WDSUB1: variants seen among roughly 807,000 people sequenced by gnomAD.
WDSUB1 encodes the protein WD repeat, SAM and U-box domain-containing protein 1.
Under a neutral mutation model 53.9 loss-of-function variants are expected in WDSUB1, and 49 were observed. The observed-to-expected ratio is 0.91, with a 90% confidence interval of 0.72 to 1.15. WDSUB1 has a LOEUF of 1.15. Among genes scored for constraint, WDSUB1 ranks in the 50% most tolerant of loss-of-function variants. The probability of loss-of-function intolerance (pLI) is 0.00; values close to 1 mark genes in which losing one functional copy is unlikely to be tolerated. For missense variants in WDSUB1, 514 were observed against 562.0 expected (o/e 0.91, Z 0.86); for synonymous variants, 194 against 200.6 (o/e 0.97, Z 0.28).
At chr2:159,242,621 C>CTCCAG (rs1384522804) in intron 10 of WDSUB1, among the ~76,000 whole-genome samples, 4 of 147,664 alleles carry the variant, frequency 2.7e-5, no homozygotes, top group Non-Finnish European at 4.4e-5. Context: ...TGCCATTGCA[C>CTCCAG]TCCAGTCTGG....
chr2:159,243,551 G>T (rs764228679), intron 10 of WDSUB1, among the ~76,000 whole-genome samples: 8 of 138,618 alleles, frequency 5.8e-5, no homozygotes, highest in Non-Finnish European at 1.2e-4. Flanking sequence ...AGTGCACAAG[G>T]TATATGTCTC....
chr2:159,283,260 G>A (rs1466538738), intron 1 of WDSUB1, among the ~76,000 whole-genome samples, 167 bp from the exon 2 acceptor site: 1 of 152,200 alleles, frequency 6.6e-6, no homozygotes, highest in East Asian at 1.9e-4. Context: ...CAGTTTCATG[G>A]AAGACAATTA....
chr2:159,265,321 A>T (rs74459104), intron 5 of WDSUB1, among the ~76,000 whole-genome samples: 2 of 146,902 alleles, frequency 1.4e-5, no homozygotes, highest in African/African-American at 5.0e-5. Context: ...ACACACACTC[A>T]CTCTCTCTCT....
chr2:159,245,567 C>A (rs570225201), intron 10 of WDSUB1, among the ~76,000 whole-genome samples: 2 of 151,202 alleles, frequency 1.3e-5, no homozygotes, highest in African/African-American at 4.8e-5. Flanking sequence ...CTACAGTAAT[C>A]GAAGCACTGT....
chr2:159,245,853 A>T (rs1387792838), intron 10 of WDSUB1, among the ~76,000 whole-genome samples: 1 of 152,212 alleles, frequency 6.6e-6, no homozygotes, highest in Admixed American at 6.5e-5. Flanking sequence ...TAGGACTCAA[A>T]GTATGAAAGT....
In WDSUB1 at chr2:159,279,951, A is replaced by G. The variant is rs1268929070; in HGVS notation, c.399-6T>C. 6.3e-7 allele frequency: 1 copy of G among 1,599,206 alleles called. No individual in the cohort carries two copies. The highest frequency in any genetic ancestry group is 8.5e-7 in the Non-Finnish European group (1 of 1,169,988). ...CATCTTTAACACTACCACATCTGAA[A>G]TAAAAGCAAAAAGTGGGTTTTCATT... On this transcript the variant is annotated splice_region_variant and splice_polypyrimidine_tract_variant and intron_variant, in intron 2 of 10. Coordinates refer to ENST00000359774, the MANE Select transcript of WDSUB1 (RefSeq NM_001128212.3).
intron 5 of WDSUB1, among the ~76,000 whole-genome samples, chr2:159,265,840 G>A (rs1189030002): frequency 6.6e-6 from 1 of 152,192 alleles, no homozygotes; most frequent in African/African-American, 2.4e-5. Flanking sequence ...GTTATTAGGG[G>A]ACAGAAGTGG....
chr2:159,279,841 T>C lies in WDSUB1; in HGVS notation c.503A>G (p.Asp168Gly). Residue 168 changes from aspartate (D) to glycine (G), a missense_variant, in exon 3 of 11, where the codon GAT (aspartate) becomes GGT (glycine). Physicochemically the swap from Asp to Gly is moderately conservative, Grantham distance 94. Transcript: ENST00000359774. ...SSCGDLTVWDDKMRCLHSEKA... is the reference protein window; with the variant it reads ...SSCGDLTVWDGKMRCLHSEKA... ...TTCACTATGCAGACACCTCATTTTA[T>C]CATCCCACACTGTTAAATCACCACA... The C allele has an allele frequency of 1.2e-6, 2 of 1,612,674 alleles. No homozygotes were observed.
chr2:159,270,177 G>A (rs1216834080), intron 5 of WDSUB1, among the ~76,000 whole-genome samples: 7 of 152,064 alleles, frequency 4.6e-5, no homozygotes, highest in Non-Finnish European at 8.8e-5. Flanking sequence ...ACTAACAAGT[G>A]CCTAGAAAGA....
At chr2:159,269,164 GATT>G (rs2061400673) in intron 5 of WDSUB1, among the ~76,000 whole-genome samples, 1 of 140,586 alleles carries the variant, frequency 7.1e-6, no homozygotes. Context: ...TCTTTCCACA[GATT>G]TTTTTTTTTT....
intron 5 of WDSUB1, among the ~76,000 whole-genome samples, chr2:159,261,922 T>A (rs1575466065): frequency 9.3e-6 from 1 of 107,214 alleles, no homozygotes; most frequent in African/African-American, 3.4e-5. Context: ...TTTTTTTTTT[T>A]TTTTTTTAAA....
intron 2 of WDSUB1, 99 bp downstream of exon 2, chr2:159,282,573 C>T: frequency 7.2e-7 from 1 of 1,384,992 alleles, no homozygotes; most frequent in Non-Finnish European, 9.8e-7. Flanking sequence ...TTTTCTACAT[C>T]ACTTAGACTG....
At chr2:159,266,537 T>C (rs2061352521) in intron 5 of WDSUB1, among the ~76,000 whole-genome samples, 1 of 152,284 alleles carries the variant, frequency 6.6e-6, no homozygotes. Flanking sequence ...CCAAAAAGTA[T>C]AAGAACCACT....
At chr2:159,268,228 A>T (rs2061381988) in intron 5 of WDSUB1, among the ~76,000 whole-genome samples, 1 of 152,240 alleles carries the variant, frequency 6.6e-6, no homozygotes. Flanking sequence ...GGGATTTAAA[A>T]TGTCTTCAAG....
chr2:159,250,378 A>C (rs1475931486), intron 9 of WDSUB1, among the ~76,000 whole-genome samples: 3 of 152,200 alleles, frequency 2.0e-5, no homozygotes, highest in Non-Finnish European at 4.4e-5. Context: ...ATTTTGCAAA[A>C]ATATTTATAA....
chr2:159,254,093 T>C (rs989074226), intron 9 of WDSUB1, among the ~76,000 whole-genome samples: 2 of 152,236 alleles, frequency 1.3e-5, no homozygotes, highest in African/African-American at 4.8e-5. Context: ...ATTCACCTAT[T>C]AGACCATCAC....
chr2:159,247,031 GAC>G (rs999052046), intron 10 of WDSUB1, among the ~76,000 whole-genome samples: 1 of 152,170 alleles, frequency 6.6e-6, no homozygotes, highest in African/African-American at 2.4e-5. Flanking sequence ...AATAAATTGA[GAC>G]AGAACCCTAT....
At chr2:159,257,237 C>T (rs1357710523) in intron 8 of WDSUB1, among the ~76,000 whole-genome samples, 1 of 152,068 alleles carries the variant, frequency 6.6e-6, no homozygotes, top group African/African-American at 2.4e-5. Context: ...CCTGGGCTCA[C>T]GCAATCCATC....
At chr2:159,269,154 T>C (rs35074746) in intron 5 of WDSUB1, among the ~76,000 whole-genome samples, 52,612 of 149,938 alleles carry the variant, frequency 0.35, 12,245 homozygotes, top group Non-Finnish European at 0.54. Flanking sequence ...TGGTAAAATA[T>C]CTTTCCACAG....
Sources: gnomAD v4.1 joint callset for allele counts (sites outside exome capture counted in the v4.1 genomes callset) on GRCh38, gnomAD v4.1.1 for gene constraint, MANE v1.5 for transcripts, NCBI Gene and HGNC (gene_info 2026-07-23, HGNC 2026-07-21) for gene names.